Variants in PPP1R36 observed in about 807,000 individuals in gnomAD.
The protein encoded by PPP1R36 is chromosome 14 open reading frame 50.
PPP1R36 carries 47 observed loss-of-function variants against 53.4 expected under a neutral mutation model. That is an observed-to-expected ratio of 0.88 (90% confidence interval 0.70 to 1.12). PPP1R36 has a LOEUF of 1.12. Ranked by LOEUF, PPP1R36 falls within the 50% of genes most tolerant of loss-of-function variation. The probability of loss-of-function intolerance (pLI) is 0.00; values close to 1 mark genes in which losing one functional copy is unlikely to be tolerated. For synonymous variants in PPP1R36, 153 were observed against 170.5 expected (o/e 0.90, Z 0.80); for missense variants, 456 against 513.9 (o/e 0.89, Z 1.09).
At chr14:64,580,232 T>C (rs1165796503) in intron 8 of PPP1R36, among the ~76,000 whole-genome samples, 1 of 151,912 alleles carries the variant, frequency 6.6e-6, no homozygotes, top group African/African-American at 2.4e-5. Flanking sequence ...GCCAGGGAGG[T>C]TGAGGCTGCA....
In PPP1R36 at chr14:64,589,275, G is replaced by C. The variant is rs1391535327; in HGVS notation, c.1206G>C (p.Arg402Ser). ...CCTTGATGGAAAACAATAACATGAG[G>C]ATTCAGGATACACTGGACTTGGTCA... ...YPSLMENNNM[R>S]IQDTLDLVMK... The change falls in exon 12 of 12, where the codon AGG becomes AGC. Residue 402 changes from arginine to serine, a missense_variant. Transcript: ENST00000298705. The C allele has an allele frequency of 6.2e-7, 1 of 1,613,726 alleles. No individual in the cohort carries two copies. The highest frequency in any genetic ancestry group is 1.7e-5 in the Admixed American group (1 of 59,980).
chr14:64,567,421 C>G (rs998195838), intron 6 of PPP1R36, among the ~76,000 whole-genome samples: 3 of 152,160 alleles, frequency 2.0e-5, no homozygotes, highest in Non-Finnish European at 4.4e-5. Flanking sequence ...ATAGAATATT[C>G]TATTCAGCTC....
At chr14:64,550,091 A>G in intron 1 of PPP1R36, 25 bp downstream of exon 1, 3 of 1,548,980 alleles carry the variant, frequency 1.9e-6, no homozygotes, top group Non-Finnish European at 2.6e-6. Context: ...GGTCGCCCCC[A>G]TACCCGGGCT....
intron 6 of PPP1R36, 135 bp downstream of exon 6, chr14:64,565,827 C>A: frequency 1.5e-6 from 1 of 685,586 alleles, no homozygotes; most frequent in Non-Finnish European, 2.5e-6. Context: ...CTCTCAGGAC[C>A]TAGTCACAAA....
intron 3 of PPP1R36, among the ~76,000 whole-genome samples, chr14:64,556,764 G>GTT (rs950314223): frequency 2.7e-5 from 4 of 145,680 alleles, no homozygotes; most frequent in African/African-American, 1.0e-4. Flanking sequence ...TCCAAAAAAT[G>GTT]TGTGTGTGTG....
intron 8 of PPP1R36, among the ~76,000 whole-genome samples, chr14:64,575,657 T>G (rs1296154398): frequency 1.3e-5 from 2 of 150,288 alleles, no homozygotes; most frequent in East Asian, 3.9e-4. Context: ...TTTTGGGGTT[T>G]TTTTTTTTTT....
chr14:64,569,646 T>C (rs184716537), intron 7 of PPP1R36, among the ~76,000 whole-genome samples: 1 of 152,350 alleles, frequency 6.6e-6, no homozygotes, highest in East Asian at 1.9e-4. Flanking sequence ...TTAGACATTT[T>C]TGGCACTTTG....
At chr14:64,582,776 G>A (rs2080399207) in intron 8 of PPP1R36, among the ~76,000 whole-genome samples, 2 of 151,882 alleles carry the variant, frequency 1.3e-5, no homozygotes, top group Admixed American at 1.3e-4. Flanking sequence ...ATTAATTTAT[G>A]GCTTGCATTA....
intron 3 of PPP1R36, among the ~76,000 whole-genome samples, chr14:64,559,905 C>G (rs2080191239): frequency 6.6e-6 from 1 of 151,642 alleles, no homozygotes; most frequent in South Asian, 2.1e-4. Context: ...GAGTTCAAGA[C>G]CAGCCTGGCC....
intron 7 of PPP1R36, among the ~76,000 whole-genome samples, chr14:64,572,265 A>AT (rs1034761306): frequency 6.6e-6 from 1 of 152,062 alleles, no homozygotes; most frequent in Non-Finnish European, 1.5e-5. Flanking sequence ...GATTATGCCA[A>AT]TTTTCTGTTA....
intron 5 of PPP1R36, 34 bp from the exon 6 acceptor site, chr14:64,565,592 G>C (rs1485347928): frequency 6.3e-7 from 1 of 1,584,160 alleles, no homozygotes. Context: ...GTAGCTCTTT[G>C]TCCCTCTCTC....
intron 8 of PPP1R36, among the ~76,000 whole-genome samples, chr14:64,581,806 A>G (rs2080392164): frequency 6.6e-6 from 1 of 152,236 alleles, no homozygotes; most frequent in Admixed American, 6.5e-5. Flanking sequence ...TGAGAAGTAG[A>G]AGGATGTGCC....
intron 6 of PPP1R36, among the ~76,000 whole-genome samples, chr14:64,565,908 T>G (rs938735508): frequency 1.3e-5 from 2 of 152,166 alleles, no homozygotes; most frequent in Non-Finnish European, 2.9e-5. Context: ...CCAGGGCAAG[T>G]AGTATGGAGA....
chr14:64,562,910 A>AG (rs2080216006), intron 3 of PPP1R36, among the ~76,000 whole-genome samples: 1 of 152,138 alleles, frequency 6.6e-6, no homozygotes, highest in African/African-American at 2.4e-5. Flanking sequence ...CTTGTTGCCC[A>AG]GGCTGGAGTG....
intron 3 of PPP1R36, among the ~76,000 whole-genome samples, chr14:64,556,762 A>ATGTT (rs1555351247): frequency 2.2e-3 from 298 of 134,058 alleles, no homozygotes; most frequent in African/African-American, 7.8e-3. Context: ...TCTCCAAAAA[A>ATGTT]TGTGTGTGTG....
Position 64,586,843 on chromosome 14 carries a change from A to C in PPP1R36, c.675A>C (p.Lys225Asn). 6.2e-7 allele frequency: 1 copy of C among 1,611,320 alleles called. No homozygotes were observed. The highest frequency in any genetic ancestry group is 2.2e-5 in the East Asian group (1 of 44,820). The stretch of plus-strand genomic sequence containing the variant: ...GTGACTTGTTATATTACAGGGAGAA[A>C]ATATCAGATACACAGAAAGACTGGA... ...DKHHMCCGKE[K>N]ISDTQKDWKF... The change falls in exon 9 of 12, where the codon AAA (lysine) becomes AAC (asparagine). Residue 225 changes from lysine (K) to asparagine (N), a missense_variant. Coordinates refer to ENST00000298705, the MANE Select transcript of PPP1R36 (RefSeq NM_172365.3).
At chr14:64,565,283 C>A in intron 4 of PPP1R36, 74 bp from the exon 5 acceptor site, 1 of 966,328 alleles carries the variant, frequency 1.0e-6, no homozygotes, top group Non-Finnish European at 1.5e-6. Flanking sequence ...TAAATGCTTC[C>A]TGCACCTCAG....
Position 64,565,673 on chromosome 14 carries a change from T to C in PPP1R36, c.415T>C (p.Ser139Pro). Residue 139 changes from serine (S) to proline (P), a missense_variant, in exon 6 of 12, where the codon TCT (serine) becomes CCT (proline). Physicochemically the swap from Ser to Pro is moderately conservative, Grantham distance 74 (BLOSUM62 -1). Transcript: ENST00000298705. ...LQDTEMQRIC[S>P]FTTFMRNKNL... ...AGATACTGAGATGCAGCGGATCTGT[T>C]CTTTTACAACATTTATGAGGTATCT... 6.2e-7 allele frequency: 1 copy of C among 1,613,366 alleles called. No individual in the cohort carries two copies. Among genetic ancestry groups the C allele is most frequent in the African/African-American group, 1.3e-5 (1 of 75,064 alleles).
chr14:64,553,844 A>T (rs1265799567), intron 3 of PPP1R36, among the ~76,000 whole-genome samples: 1 of 145,206 alleles, frequency 6.9e-6, no homozygotes, highest in Non-Finnish European at 1.5e-5. Context: ...AAAAAAAACA[A>T]CAACTCCAAA....
Sources: gnomAD v4.1 joint callset for allele counts (sites outside exome capture counted in the v4.1 genomes callset) on GRCh38, gnomAD v4.1.1 for gene constraint, MANE v1.5 for transcripts, NCBI Gene and HGNC (gene_info 2026-07-23, HGNC 2026-07-21) for gene names.